Variants in HIVEP2 observed in about 807,000 individuals in gnomAD.
HIVEP2 encodes the protein transcription factor HIVEP2.
In HIVEP2, 14 loss-of-function variants were observed where a neutral mutation model predicts 180.7. That is an observed-to-expected ratio of 0.08 (90% CI 0.05 to 0.12). The LOEUF (loss-of-function observed/expected upper bound fraction) is 0.12. Among genes scored for constraint, HIVEP2 ranks in the 10% least tolerant of loss-of-function variants. HIVEP2 has a pLI of 1.00. For synonymous variants in HIVEP2, 1,184 were observed against 1,136.4 expected (o/e 1.04, Z -0.84); for missense variants, 2,579 against 3,008.5 (o/e 0.86, Z 3.34).
intron 1 of HIVEP2, among the ~76,000 whole-genome samples, chr6:142,925,364 A>C (rs1341268436): frequency 1.3e-5 from 2 of 152,130 alleles, no homozygotes; most frequent in South Asian, 4.1e-4. Context: ...CCTTCCCTCT[A>C]TTCTTAATCT....
chr6:142,758,142 C>T (rs937853706), intron 9 of HIVEP2, among the ~76,000 whole-genome samples: 4 of 152,248 alleles, frequency 2.6e-5, no homozygotes, highest in African/African-American at 4.8e-5. Context: ...ATGGCATAAA[C>T]TGCAGAAGAT....
At chr6:142,858,804 G>C (rs1335139410) in intron 1 of HIVEP2, among the ~76,000 whole-genome samples, 1 of 151,984 alleles carries the variant, frequency 6.6e-6, no homozygotes, top group East Asian at 1.9e-4. Context: ...ATGTTGGCCA[G>C]GCTGGTCTCA....
chr6:142,806,981 T>G (rs561642), intron 2 of HIVEP2, among the ~76,000 whole-genome samples: 75,269 of 151,986 alleles, frequency 0.5, 20,542 homozygotes, highest in South Asian at 0.62. Context: ...GCATGGATTA[T>G]TCTGAGGAGG....
chr6:142,774,481 C>A lies in HIVEP2; in HGVS notation c.258G>T (p.Pro86=), dbSNP rs188298782. ...GGCATGAGTAAGGACTCGGACGATG[C>A]GGTGGATATTGCTTCTCTGCGACTT... The part of the protein sequence containing the change: ...VQQVAEKQYP[P]HRPSPYSCQH... Residue 86 remains proline, a synonymous_variant, in exon 5 of 10, where the codon CCG becomes CCT. Coordinates refer to ENST00000367603, the MANE Select transcript of HIVEP2 (RefSeq NM_006734.4). The surrounding 1 kb of genome is among the most constrained non-coding windows in gnomAD (Gnocchi z 5.1). The A allele has an allele frequency of 6.2e-7, 1 of 1,614,020 alleles. No individual in the cohort carries two copies. Among genetic ancestry groups the A allele is most frequent in the East Asian group, 2.2e-5 (1 of 44,858 alleles).
At chr6:142,901,384 T>C (rs1374301271) in intron 1 of HIVEP2, among the ~76,000 whole-genome samples, 1 of 152,238 alleles carries the variant, frequency 6.6e-6, no homozygotes, top group African/African-American at 2.4e-5. Context: ...ATTTTTCAAA[T>C]AGGTTTCAAG....
intron 1 of HIVEP2, among the ~76,000 whole-genome samples, chr6:142,852,799 G>C (rs2114929493): frequency 1.0e-5 from 1 of 99,940 alleles, no homozygotes; most frequent in Non-Finnish European, 2.9e-5. Flanking sequence ...AGAGTAACAG[G>C]GGAAAAATAC....
rs1582876957 is a variant in HIVEP2, at chr6:142,807,195, G to A, written c.-527-23580C>T. Reference sequence around the variant, plus strand: ...GAGCAAGGAGGAGTCAACTTGGCCAGTACTTCATAGTTCTGAGTAGAGGAC... The same window carrying A: ...GAGCAAGGAGGAGTCAACTTGGCCAATACTTCATAGTTCTGAGTAGAGGAC... On this transcript the variant is annotated intron_variant, in intron 2 of 9. Transcript: ENST00000367603. Among the ~76,000 whole-genome samples the A allele has an allele frequency of 2.0e-5, 3 of 152,304 alleles. No homozygotes were observed. The South Asian group carries it at 6.2e-4, about 32-fold the overall frequency.
In HIVEP2 at chr6:142,770,779, C is replaced by A. The variant is rs369511878; in HGVS notation, c.3960G>T (p.Ser1320=). Residue 1320 remains serine (S), a synonymous_variant, in exon 5 of 10, where the codon TCG becomes TCT. Transcript: ENST00000367603. This position sits in a 1 kb window ranked among gnomAD's most constrained non-coding sequence, Gnocchi z 4.7. ...GGGACTGCAAAGACCCAGCATTTGC[C>A]GAGGCAAAATCTTCTTGAAGAACCT... ...SEQVLQEDFA[S]ANAGSLQSLP... is the part of the protein sequence containing the mutation. 1 of 1,614,158 alleles carries A rather than the reference C, an allele frequency of 6.2e-7. No individual in the cohort carries two copies. Among genetic ancestry groups the A allele is most frequent in the Non-Finnish European group, 8.5e-7 (1 of 1,180,036 alleles).
At chr6:142,837,206 G>T (rs1410212385) in intron 1 of HIVEP2, among the ~76,000 whole-genome samples, 159 bp from the exon 2 acceptor site, 3 of 152,042 alleles carry the variant, frequency 2.0e-5, no homozygotes, top group Non-Finnish European at 4.4e-5. Context: ...AAAGCGTCTA[G>T]GAATTAAGTT....
At chr6:142,899,220 T>C (rs942398205) in intron 1 of HIVEP2, among the ~76,000 whole-genome samples, 6 of 152,168 alleles carry the variant, frequency 3.9e-5, no homozygotes, top group African/African-American at 1.4e-4. Flanking sequence ...GGTCTCTGGA[T>C]CCTTTTTTGC....
At chr6:142,781,632 G>C (rs1775863652) in intron 3 of HIVEP2, among the ~76,000 whole-genome samples, 1 of 152,170 alleles carries the variant, frequency 6.6e-6, no homozygotes, top group Non-Finnish European at 1.5e-5. Context: ...TATTTCAGTG[G>C]TAATGGAACT....
chr6:142,769,747 G>C lies in HIVEP2; in HGVS notation c.4992C>G (p.Thr1664=). Residue 1664 remains threonine (T), a synonymous_variant, in exon 5 of 10, where the codon ACC becomes ACG. Transcript: ENST00000367603. ...YTKPNYVQQA[T]FKSSVYASWC... ...ATGAAGCATAAACCGAGGATTTGAA[G>C]GTGGCCTGTTGCACATAATTGGGTT... The C allele has an allele frequency of 6.2e-7, 1 of 1,614,228 alleles. No individual in the cohort carries two copies. The highest frequency in any genetic ancestry group is 1.1e-5 in the South Asian group (1 of 91,086).
chr6:142,939,667 T>C (rs1778130616), intron 1 of HIVEP2, among the ~76,000 whole-genome samples: 1 of 152,218 alleles, frequency 6.6e-6, no homozygotes, highest in Admixed American at 6.5e-5. Flanking sequence ...CCTGCTTCCA[T>C]TTATACTCTA....
chr6:142,795,706 T>G (rs949341412), intron 2 of HIVEP2, among the ~76,000 whole-genome samples: 5 of 152,206 alleles, frequency 3.3e-5, no homozygotes, highest in African/African-American at 1.2e-4. Flanking sequence ...CTATGTATAT[T>G]ATTTTTCAAA....
At chr6:142,806,769 C>T (rs913709264) in intron 2 of HIVEP2, among the ~76,000 whole-genome samples, 3 of 152,106 alleles carry the variant, frequency 2.0e-5, no homozygotes, top group Non-Finnish European at 4.4e-5. Flanking sequence ...TGTTCTTATG[C>T]TCAGCTTTTT....
chr6:142,820,208 CACA>C (rs1219607212), intron 2 of HIVEP2, among the ~76,000 whole-genome samples: 2 of 152,014 alleles, frequency 1.3e-5, no homozygotes, highest in East Asian at 1.9e-4. Context: ...TTAATTTTTC[CACA>C]ACAATTTGCA....
intron 1 of HIVEP2, among the ~76,000 whole-genome samples, chr6:142,843,092 G>T (rs1294322562): frequency 6.6e-6 from 1 of 152,148 alleles, no homozygotes; most frequent in Non-Finnish European, 1.5e-5. Flanking sequence ...CCTCAGCAGT[G>T]CTTTATAATA....
At chr6:142,783,326 C>CAA (rs567202980) in intron 3 of HIVEP2, among the ~76,000 whole-genome samples, 195 bp downstream of exon 3, 6,737 of 70,608 alleles carry the variant, frequency 0.095, 1,457 homozygotes, top group Non-Finnish European at 0.1. Context: ...GACTCCGTCA[C>CAA]AAAAAAAAAA....
At chr6:142,870,070 G>A (rs763369934) in intron 1 of HIVEP2, among the ~76,000 whole-genome samples, 8 of 151,868 alleles carry the variant, frequency 5.3e-5, no homozygotes, top group Non-Finnish European at 8.8e-5. Flanking sequence ...GAAGGGCTGC[G>A]CATTCATGTT....
Sources: gnomAD v4.1 joint callset for allele counts (sites outside exome capture counted in the v4.1 genomes callset) on GRCh38, gnomAD v4.1.1 for gene constraint, Gnocchi (gnomAD v3.1) non-coding constraint, MANE v1.5 for transcripts, NCBI Gene and HGNC (gene_info 2026-07-23, HGNC 2026-07-21) for gene names.